The following DSE variants were observed in gnomAD, a reference collection of about 807,000 sequenced individuals.
DSE encodes dermatan sulfate epimerase, also known as dermatan-sulfate epimerase.
A neutral mutation model predicts 84.4 loss-of-function variants in DSE; 36 were observed. The ratio of observed to expected loss-of-function variants is 0.43; its 90% CI spans 0.33 to 0.56. DSE has a LOEUF of 0.56. Among genes scored for constraint, DSE ranks in the 20% least tolerant of loss-of-function variants. The probability of loss-of-function intolerance (pLI) is 0.06; values close to 1 mark genes in which losing one functional copy is unlikely to be tolerated. For missense variants in DSE, 862 were observed against 1,169.6 expected, an observed-to-expected ratio of 0.74 and a Z score of 3.84; for synonymous variants, 410 against 430.1, an observed-to-expected ratio of 0.95 and a Z score of 0.58.
chr6:116,304,657 G>A (rs2114713755), intron 2 of DSE, among the ~76,000 whole-genome samples: 1 of 152,330 alleles, frequency 6.6e-6, no homozygotes, highest in South Asian at 2.1e-4. Flanking sequence ...ACAAAGCACT[G>A]TGTGCTTCTG....
intron 5 of DSE, among the ~76,000 whole-genome samples, chr6:116,434,283 G>A (rs548608129): frequency 6.6e-6 from 1 of 152,266 alleles, no homozygotes; most frequent in Admixed American, 6.5e-5. Context: ...AATCCCTGAT[G>A]TCTTTTCAAG....
intron 2 of DSE, chr6:116,276,583 T>C (rs1377501043): frequency 6.6e-6 from 1 of 152,088 alleles, no homozygotes; most frequent in Non-Finnish European, 1.5e-5. Flanking sequence ...TTTAATGATT[T>C]TAATCCATTA....
intron 2 of DSE, among the ~76,000 whole-genome samples, chr6:116,343,272 T>C (rs182983083): frequency 1.9e-3 from 290 of 152,336 alleles, no homozygotes; most frequent in Middle Eastern, 3.4e-3. Context: ...TAAACGTCCC[T>C]GTCCAAAAGC....
intron 2 of DSE, among the ~76,000 whole-genome samples, chr6:116,303,099 T>G (rs941405209): frequency 8.5e-5 from 13 of 152,198 alleles, no homozygotes; most frequent in African/African-American, 3.1e-4. Flanking sequence ...TGGCCACAGT[T>G]ACATCTTTCT....
At position 116,288,388 on chromosome 6, in the gene DSE, A is replaced by G. The variant is rs186917953; in HGVS notation, c.-54+29421A>G. On this transcript the variant is annotated intron_variant, in intron 2 of 3. Transcript: ENST00000430252. ...GGTATAATCTGGCACTAAATTTTCA[A>G]TTTCCTGTACACAGCTAACTATATA... The G allele has an allele frequency of 7.9e-5, 12 of 152,232 alleles. No individual in the cohort carries two copies. In the East Asian group the frequency reaches 2.1e-3, roughly 27 times the overall value. 9.4% of individuals were successfully genotyped at this position (152,232 alleles called of 1,614,324 possible).
Position 116,399,172 on chromosome 6 carries a change from C to CT in DSE, c.-53-19dup, listed in dbSNP as rs752435438. ...GCCATGTTCCCTTGGCTGACAGACA[C>CT]TTTTTTTCCTTTTTATCTCACGTAG... On this transcript the variant is annotated intron_variant, in intron 1 of 5. Transcript: ENST00000644252. The CT allele has an allele frequency of 2.3e-5, 36 of 1,590,850 alleles. No homozygotes were observed. In the East Asian group the frequency reaches 3.4e-4, roughly 15 times the overall value.
At chr6:116,306,034 AT>A (rs748592258) in intron 2 of DSE, among the ~76,000 whole-genome samples, 3 of 152,300 alleles carry the variant, frequency 2.0e-5, no homozygotes, top group African/African-American at 4.8e-5. Context: ...TTAGAAAAAA[AT>A]GTATGTATGT....
chr6:116,383,473 A>G (rs1236266612), intron 1 of DSE, among the ~76,000 whole-genome samples: 1 of 152,222 alleles, frequency 6.6e-6, no homozygotes, highest in African/African-American at 2.4e-5. Flanking sequence ...CAGTTTGCTA[A>G]GACAGAATGA....
chr6:116,387,777 A>G (rs1343110991), intron 1 of DSE, among the ~76,000 whole-genome samples: 4 of 152,214 alleles, frequency 2.6e-5, no homozygotes, highest in Admixed American at 2.6e-4. Flanking sequence ...CGTTCTTTGC[A>G]CAGTAAAAGC....
intron 1 of DSE, among the ~76,000 whole-genome samples, chr6:116,384,959 A>C (rs1030304644): frequency 9.8e-5 from 15 of 152,336 alleles, no homozygotes; most frequent in Admixed American, 7.8e-4. Flanking sequence ...TGGACTTGGT[A>C]ATGATGTCAT....
Position 116,442,537 on chromosome 6 carries a change from G to A in DSE, c.*5192G>A, listed in dbSNP as rs1784461527. ...TGTGTGAGAGGAGAAGTGCATTCTG[G>A]GTAAATGGAATAGAATAAAGAAAAA... On this transcript the variant is annotated 3_prime_UTR_variant, in exon 6 of 6. Coordinates refer to ENST00000644252, the MANE Select transcript of DSE (RefSeq NM_013352.4). 6.6e-6 allele frequency: 1 copy of A among 152,076 alleles called. No individual in the cohort carries two copies. The highest frequency in any genetic ancestry group is 1.5e-5 in the Non-Finnish European group (1 of 68,028). The allele number at this position is 152,076 out of a possible 1,614,324, so 9.4% of individuals were successfully genotyped here. A position where few individuals can be genotyped will look rare whatever the true frequency, so the allele number is the denominator to read the frequency against.
chr6:116,299,576 A>G (rs1774910863), intron 2 of DSE, among the ~76,000 whole-genome samples: 1 of 142,104 alleles, frequency 7.0e-6, no homozygotes, highest in Non-Finnish European at 1.5e-5. Flanking sequence ...ACACACACAT[A>G]CATATATATG....
At chr6:116,424,089 G>C (rs1783267944) in intron 2 of DSE, among the ~76,000 whole-genome samples, 1 of 152,158 alleles carries the variant, frequency 6.6e-6, no homozygotes, top group Non-Finnish European at 1.5e-5. Context: ...ATTGACATCA[G>C]CTTTATCATG....
At chr6:116,344,406 G>A (rs1235905500) in intron 2 of DSE, among the ~76,000 whole-genome samples, 1 of 152,242 alleles carries the variant, frequency 6.6e-6, no homozygotes, top group Non-Finnish European at 1.5e-5. Context: ...TACCTACGAA[G>A]AGAAGCCCAT....
chr6:116,350,893 C>G (rs1008370930), intron 2 of DSE, among the ~76,000 whole-genome samples: 1 of 149,780 alleles, frequency 6.7e-6, no homozygotes, highest in Admixed American at 6.6e-5. Context: ...AAAGATTTTC[C>G]TGGCATATCT....
chr6:116,282,427 GA>G (rs1222192013), intron 2 of DSE, among the ~76,000 whole-genome samples: 3 of 151,962 alleles, frequency 2.0e-5, no homozygotes, highest in African/African-American at 7.3e-5. Flanking sequence ...ATTTGTCAAA[GA>G]AGCCATTATG....
chr6:116,284,330 C>T (rs79825502), intron 2 of DSE, among the ~76,000 whole-genome samples: 5,214 of 152,158 alleles, frequency 0.034, 229 homozygotes, highest in African/African-American at 0.095. Context: ...TTTTAGTTGT[C>T]ATAAGAACCC....
At position 116,442,568 on chromosome 6, in the gene DSE, G is replaced by A. The variant is rs1449364837; in HGVS notation, c.*5223G>A. 1.3e-5 allele frequency: 2 copies of A among 152,110 alleles called. No individual in the cohort carries two copies. Among genetic ancestry groups the A allele is most frequent in the Non-Finnish European group, 2.9e-5 (2 of 68,042 alleles). The allele number at this position is 152,110 out of a possible 1,614,324, so 9.4% of individuals were successfully genotyped here. On this transcript the variant is annotated 3_prime_UTR_variant, in exon 6 of 6. Transcript: ENST00000644252. ...TGGAATAGAATAAAGAAAAAAGTACGAAAAAGCAAACCTGGTTCAGGAATT... is the reference window on the plus strand; with the variant it reads ...TGGAATAGAATAAAGAAAAAAGTACAAAAAAGCAAACCTGGTTCAGGAATT...
intron 2 of DSE, among the ~76,000 whole-genome samples, chr6:116,344,323 A>G (rs1236041958): frequency 6.6e-6 from 1 of 152,212 alleles, no homozygotes; most frequent in Admixed American, 6.5e-5. Context: ...ACTCCAAGAC[A>G]CATAATTGTC....
Sources: gnomAD v4.1 joint callset for allele counts (sites outside exome capture counted in the v4.1 genomes callset) on GRCh38, gnomAD v4.1.1 for gene constraint, MANE v1.5 for transcripts, NCBI Gene and HGNC (gene_info 2026-07-23, HGNC 2026-07-21) for gene names.